DLG2: variants seen among roughly 807,000 people sequenced by gnomAD.
DLG2 encodes discs large MAGUK scaffold protein 2.
In DLG2, 45 loss-of-function variants were observed where a neutral mutation model predicts 132.5. The observed-to-expected ratio is 0.34, with a 90% CI of 0.27 to 0.44. The LOEUF is 0.44. DLG2 is among the 20% of genes least tolerant of loss of function. The probability of loss-of-function intolerance (pLI) is 1.00; values close to 1 mark genes in which losing one functional copy is unlikely to be tolerated. For synonymous variants in DLG2, 424 were observed against 419.6 expected (o/e 1.01, Z -0.13); for missense variants, 1,045 against 1,196.9 (o/e 0.87, Z 1.87).
At chr11:84,974,357 T>C (rs1467313565) in intron 6 of DLG2, among the ~76,000 whole-genome samples, 3 of 152,218 alleles carry the variant, frequency 2.0e-5, no homozygotes, top group African/African-American at 7.2e-5. Context: ...TTCAAGCCTT[T>C]TGAATCCCAG....
At chr11:83,750,937 T>C (rs1486039786) in intron 18 of DLG2, among the ~76,000 whole-genome samples, 1 of 152,218 alleles carries the variant, frequency 6.6e-6, no homozygotes, top group South Asian at 2.1e-4. Context: ...GATATTTTAC[T>C]AGGCACTAGA....
At chr11:85,129,573 A>C (rs1039464574) in intron 5 of DLG2, among the ~76,000 whole-genome samples, 1 of 152,204 alleles carries the variant, frequency 6.6e-6, no homozygotes, top group Non-Finnish European at 1.5e-5. Flanking sequence ...AGGAAACAAC[A>C]GAATGTGGAG....
chr11:85,470,608 C>G (rs984590203), intron 3 of DLG2, among the ~76,000 whole-genome samples: 2 of 152,054 alleles, frequency 1.3e-5, no homozygotes, highest in Non-Finnish European at 2.9e-5. Context: ...CCCAGCTACT[C>G]AGGGGGCTGA....
At chr11:85,015,260 A>G (rs925657096) in intron 6 of DLG2, among the ~76,000 whole-genome samples, 1 of 152,172 alleles carries the variant, frequency 6.6e-6, no homozygotes, top group African/African-American at 2.4e-5. Context: ...GCTATGTTTT[A>G]GGTTAAGTTT....
At chr11:85,261,396 C>T (rs2076933527) in intron 4 of DLG2, among the ~76,000 whole-genome samples, 1 of 152,074 alleles carries the variant, frequency 6.6e-6, no homozygotes, top group African/African-American at 2.4e-5. Flanking sequence ...CCCACCACAC[C>T]TCCCCATAGA....
intron 6 of DLG2, among the ~76,000 whole-genome samples, chr11:85,070,881 G>T (rs1244385860): frequency 1.3e-5 from 2 of 151,786 alleles, no homozygotes; most frequent in Admixed American, 6.6e-5. Flanking sequence ...CTTCATGTTG[G>T]TACGTAGGTC....
intron 19 of DLG2, among the ~76,000 whole-genome samples, chr11:83,546,465 G>A (rs996270786): frequency 6.6e-6 from 1 of 152,080 alleles, no homozygotes; most frequent in Non-Finnish European, 1.5e-5. Flanking sequence ...TGGCACTAAC[G>A]CAAAAGGGTG....
At chr11:84,098,035 C>T (rs1170578496) in intron 10 of DLG2, among the ~76,000 whole-genome samples, 1 of 121,812 alleles carries the variant, frequency 8.2e-6, no homozygotes, top group Non-Finnish European at 1.6e-5. Flanking sequence ...CACCATGTGC[C>T]TTTTTTTTTT....
intron 11 of DLG2, among the ~76,000 whole-genome samples, chr11:84,024,854 A>G (rs770245110): frequency 6.6e-6 from 1 of 150,788 alleles, no homozygotes. Flanking sequence ...CCCGGTGAAT[A>G]TAGTTAATAA....
intron 3 of DLG2, among the ~76,000 whole-genome samples, chr11:85,377,929 C>T (rs1257979979): frequency 1.3e-5 from 2 of 151,016 alleles, no homozygotes; most frequent in Non-Finnish European, 2.9e-5. Flanking sequence ...ATTTCAATTC[C>T]TCCTTTTATT....
chr11:83,678,655 C>T (rs2078193106), intron 18 of DLG2, among the ~76,000 whole-genome samples: 2 of 152,052 alleles, frequency 1.3e-5, no homozygotes, highest in South Asian at 4.1e-4. Context: ...TTATTGGGTC[C>T]TATTTACCCT....
chr11:83,986,637 T>C (rs1392241398), intron 11 of DLG2, among the ~76,000 whole-genome samples: 1 of 151,948 alleles, frequency 6.6e-6, no homozygotes, highest in African/African-American at 2.4e-5. Context: ...ATCGCCACAC[T>C]GACTTCCACA....
chr11:84,230,569 A>G (rs2097077704), intron 8 of DLG2, among the ~76,000 whole-genome samples: 2 of 152,322 alleles, frequency 1.3e-5, no homozygotes, highest in South Asian at 2.1e-4. Context: ...GAATTTTTAA[A>G]TACATAAGAC....
intron 16 of DLG2, among the ~76,000 whole-genome samples, chr11:83,869,384 T>G (rs1022459894): frequency 2.6e-5 from 4 of 152,166 alleles, no homozygotes; most frequent in Non-Finnish European, 5.9e-5. Context: ...GAGGTCTTGT[T>G]TCCAGATGTT....
intron 8 of DLG2, among the ~76,000 whole-genome samples, chr11:84,183,898 C>T (rs1208508687): frequency 6.6e-6 from 1 of 152,178 alleles, no homozygotes; most frequent in African/African-American, 2.4e-5. Flanking sequence ...CTACACAGGA[C>T]ATGAACTCAT....
intron 4 of DLG2, among the ~76,000 whole-genome samples, chr11:85,156,960 T>C (rs928299132): frequency 1.3e-5 from 2 of 152,194 alleles, no homozygotes; most frequent in African/African-American, 4.8e-5. Context: ...AATATGTCTG[T>C]GAGGTTGTTG....
At chr11:84,558,271 T>C (rs984631252) in intron 6 of DLG2, among the ~76,000 whole-genome samples, 2 of 152,196 alleles carry the variant, frequency 1.3e-5, no homozygotes, top group Admixed American at 1.3e-4. Context: ...GCATTCACTG[T>C]CAGCCACAAG....
intron 6 of DLG2, among the ~76,000 whole-genome samples, chr11:84,665,093 C>T (rs563300028): frequency 1.3e-5 from 2 of 152,192 alleles, no homozygotes; most frequent in South Asian, 4.1e-4. Context: ...AGAGCTGGCC[C>T]TTACCTAGAG....
At chr11:84,222,984 T>C (rs1178657790) in intron 8 of DLG2, among the ~76,000 whole-genome samples, 2 of 152,246 alleles carry the variant, frequency 1.3e-5, no homozygotes, top group African/African-American at 4.8e-5. Context: ...GAGCAACTTA[T>C]AGCTCGTCCT....
Sources: allele counts gnomAD v4.1 joint callset (sites outside exome capture counted in the v4.1 genomes callset), GRCh38; gene constraint gnomAD v4.1.1; transcripts MANE v1.5; gene names NCBI Gene and HGNC (gene_info 2026-07-23, HGNC 2026-07-21).